RBFOX1: variants seen among roughly 807,000 people sequenced by gnomAD.
RBFOX1 encodes RNA binding protein fox-1 homolog 1.
A neutral mutation model predicts 57.7 loss-of-function variants in RBFOX1; 8 were observed. The observed-to-expected ratio is 0.14, with a 90% CI of 0.08 to 0.25. RBFOX1 has a LOEUF of 0.25. Ranked by LOEUF, RBFOX1 falls within the 10% of genes least tolerant of loss-of-function variation. RBFOX1 has a pLI of 1.00. For missense variants in RBFOX1, 611 were observed against 548.5 expected (o/e 1.11, Z -1.14); for synonymous variants, 326 against 222.4 (o/e 1.47, Z -4.15).
At chr16:7,565,147 G>A (rs1306772156) in intron 5 of RBFOX1, among the ~76,000 whole-genome samples, 1 of 152,102 alleles carries the variant, frequency 6.6e-6, no homozygotes, top group East Asian at 1.9e-4. Flanking sequence ...CATTCCCTGG[G>A]CTTACCATTA....
intron 4 of RBFOX1, among the ~76,000 whole-genome samples, chr16:7,062,625 A>C (rs774514538): frequency 2.0e-5 from 3 of 152,160 alleles, no homozygotes; most frequent in Non-Finnish European, 2.9e-5. Flanking sequence ...TAGCCAACAG[A>C]TGTGGATATG....
intron 4 of RBFOX1, among the ~76,000 whole-genome samples, chr16:7,354,212 C>A (rs963561037): frequency 6.6e-6 from 1 of 152,216 alleles, no homozygotes; most frequent in African/African-American, 2.4e-5. Context: ...GTCAGGTGAT[C>A]TGCCCACCTC....
intron 3 of RBFOX1, among the ~76,000 whole-genome samples, chr16:5,717,507 C>A (rs1269129420): frequency 6.6e-6 from 1 of 152,182 alleles, no homozygotes; most frequent in Non-Finnish European, 1.5e-5. Flanking sequence ...CACCCCCTCC[C>A]ACCCTTCACC....
At chr16:7,422,391 T>C (rs1276716521) in intron 4 of RBFOX1, among the ~76,000 whole-genome samples, 1 of 152,156 alleles carries the variant, frequency 6.6e-6, no homozygotes, top group African/African-American at 2.4e-5. Context: ...GAGGTAATAA[T>C]GTCCGACAGG....
intron 2 of RBFOX1, among the ~76,000 whole-genome samples, chr16:6,531,346 G>A (rs542927159): frequency 2.0e-5 from 3 of 152,254 alleles, no homozygotes; most frequent in Admixed American, 6.5e-5. Context: ...TGGACTCATG[G>A]CTTTGTGGGT....
intron 1 of RBFOX1, among the ~76,000 whole-genome samples, chr16:5,277,369 T>A (rs1370360953): frequency 1.3e-5 from 2 of 152,078 alleles, no homozygotes; most frequent in Non-Finnish European, 2.9e-5. Context: ...TGGCGATGGG[T>A]GTGCCAAAAT....
chr16:6,787,743 C>G (rs2082204588), intron 3 of RBFOX1, among the ~76,000 whole-genome samples: 1 of 152,188 alleles, frequency 6.6e-6, no homozygotes, highest in Admixed American at 6.5e-5. Flanking sequence ...CACAGAGCTT[C>G]TGCTGGCTTA....
At chr16:5,500,682 A>G (rs2043163723) in intron 2 of RBFOX1, among the ~76,000 whole-genome samples, 1 of 152,188 alleles carries the variant, frequency 6.6e-6, no homozygotes, top group Non-Finnish European at 1.5e-5. Context: ...TATGGGTCCC[A>G]ACATTGAATG....
At chr16:5,563,124 AT>A in intron 2 of RBFOX1, among the ~76,000 whole-genome samples, 1 of 152,100 alleles carries the variant, frequency 6.6e-6, no homozygotes, top group Non-Finnish European at 1.5e-5. Context: ...TAATTTTTGC[AT>A]TTTTGTAGAG....
At chr16:7,078,862 C>T (rs1211717237) in intron 4 of RBFOX1, among the ~76,000 whole-genome samples, 2 of 38,538 alleles carry the variant, frequency 5.2e-5, no homozygotes, top group South Asian at 2.2e-3. Flanking sequence ...TATATATATA[C>T]CTTTTTTTTT....
In RBFOX1 at chr16:5,510,441, A is replaced by G. The variant is rs942686915; in HGVS notation, c.258+43187A>G. On this transcript the variant is annotated intron_variant, in intron 2 of 2. Coordinates refer to the RBFOX1 transcript ENST00000585867. ...GATCTCGTGGAGTTGGCACTGGTGG[A>G]GCAGAAACATGGCCTCTCAAAGCCA... Among the ~76,000 whole-genome samples the G allele has an allele frequency of 1.6e-4, 25 of 152,096 alleles. 1 individual carries two copies. The highest frequency in any genetic ancestry group is 2.5e-4 in the Non-Finnish European group (17 of 68,028).
chr16:5,502,412 G>A lies in RBFOX1; in HGVS notation c.258+35158G>A, dbSNP rs148419612. On this transcript the variant is annotated intron_variant, in intron 2 of 2. Transcript: ENST00000585867. ...AGAAGGCTCCTGATCATTCTTCCTC[G>A]GCTTGCCTGAGGGTCAGGGGGTGGA... Among the ~76,000 whole-genome samples the A allele has an allele frequency of 2.9e-4, 44 of 152,252 alleles. No homozygotes were observed. In the East Asian group the frequency reaches 7.1e-3, roughly 25 times the overall value.
chr16:5,952,211 T>C (rs1019506662), intron 4 of RBFOX1, among the ~76,000 whole-genome samples: 30 of 151,654 alleles, frequency 2.0e-4, no homozygotes, highest in African/African-American at 7.0e-4. Context: ...AGTGCAGCAG[T>C]GTGACCTCGG....
At position 6,032,488 on chromosome 16, in the gene RBFOX1, C is replaced by T. The variant is rs972676156; in HGVS notation, c.-127+12496C>T. 3.3e-5 allele frequency among the ~76,000 whole-genome samples: 5 copies of T among 152,152 alleles called. No individual in the cohort carries two copies. In the East Asian group the frequency reaches 7.7e-4, roughly 23 times the overall value. ...AAAGAGGCTCTTGAGCTTTTTGTTC[C>T]TTGATGATCCTGTCTTTACGTAATT... On this transcript the variant is annotated intron_variant, in intron 1 of 15. Transcript: ENST00000550418.
At chr16:5,797,728 A>C (rs995162586) in intron 3 of RBFOX1, among the ~76,000 whole-genome samples, 4 of 152,238 alleles carry the variant, frequency 2.6e-5, no homozygotes, top group Non-Finnish European at 5.9e-5. Context: ...AGGAAAATTA[A>C]TAGACCATTT....
intron 5 of RBFOX1, among the ~76,000 whole-genome samples, chr16:7,529,461 A>G (rs183718938): frequency 2.6e-5 from 4 of 152,300 alleles, no homozygotes; most frequent in Non-Finnish European, 5.9e-5. Context: ...TAATTTAGCA[A>G]ACAAATTTCC....
At chr16:6,270,790 G>C (rs760734675) in intron 1 of RBFOX1, among the ~76,000 whole-genome samples, 5 of 152,112 alleles carry the variant, frequency 3.3e-5, no homozygotes, top group Admixed American at 2.6e-4. Context: ...ATGTCCATGG[G>C]AGATATCCTG....
chr16:7,580,438 A>G (rs1002267658), intron 6 of RBFOX1, among the ~76,000 whole-genome samples: 2 of 152,242 alleles, frequency 1.3e-5, no homozygotes, highest in Non-Finnish European at 1.5e-5. Flanking sequence ...CAAACAAAAC[A>G]AAACCACCAC....
At chr16:6,725,253 G>A (rs537476363) in intron 3 of RBFOX1, among the ~76,000 whole-genome samples, 34 of 151,840 alleles carry the variant, frequency 2.2e-4, no homozygotes, top group African/African-American at 7.7e-4. Context: ...GGGTTTCACC[G>A]TGTTAGCCAG....
Sources: allele counts gnomAD v4.1 joint callset (sites outside exome capture counted in the v4.1 genomes callset), GRCh38; gene constraint gnomAD v4.1.1; transcripts MANE v1.5; gene names NCBI Gene and HGNC (gene_info 2026-07-23, HGNC 2026-07-21).